The following DLG2 variants were observed in gnomAD, a reference collection of about 807,000 sequenced individuals.
DLG2 encodes discs large MAGUK scaffold protein 2.
A neutral mutation model predicts 132.5 loss-of-function variants in DLG2; 45 were observed. The observed-to-expected ratio is 0.34, with a 90% confidence interval of 0.27 to 0.44. The LOEUF is 0.44. Among genes scored for constraint, DLG2 ranks in the 20% least tolerant of loss-of-function variants. The pLI is 1.00. For missense variants in DLG2, 1,045 were observed against 1,196.9 expected (o/e 0.87, Z 1.87); for synonymous variants, 424 against 419.6 (o/e 1.01, Z -0.13).
At chr11:85,553,374 A>G (rs926602164) in intron 3 of DLG2, among the ~76,000 whole-genome samples, 3 of 151,628 alleles carry the variant, frequency 2.0e-5, no homozygotes, top group East Asian at 3.8e-4. Context: ...AGCTTACATC[A>G]TATGTAAATA....
chr11:83,784,129 T>A (rs1008909714), intron 18 of DLG2, among the ~76,000 whole-genome samples: 3 of 152,180 alleles, frequency 2.0e-5, no homozygotes, highest in African/African-American at 7.2e-5. Flanking sequence ...AGTATGCCAA[T>A]AAAATCATCT....
intron 18 of DLG2, among the ~76,000 whole-genome samples, chr11:83,699,701 C>A (rs902370470): frequency 6.7e-6 from 1 of 148,792 alleles, no homozygotes; most frequent in Non-Finnish European, 1.5e-5. Flanking sequence ...CAGAGCAAGA[C>A]TCCGTCTAAA....
intron 3 of DLG2, among the ~76,000 whole-genome samples, chr11:85,334,511 G>C (rs1424997900): frequency 6.6e-6 from 1 of 151,916 alleles, no homozygotes; most frequent in Non-Finnish European, 1.5e-5. Flanking sequence ...AGTTTCTCTA[G>C]GTATAGTGTT....
chr11:84,275,520 A>G (rs1447029322), intron 7 of DLG2, among the ~76,000 whole-genome samples: 1 of 152,124 alleles, frequency 6.6e-6, no homozygotes, highest in Non-Finnish European at 1.5e-5. Flanking sequence ...ATGCCCAGCT[A>G]ATTGTTTTGT....
rs2093739312 is a variant in DLG2 at position 85,499,277 on chromosome 11, C to T, written c.40+99380G>A. Among the ~76,000 whole-genome samples, 4 of 152,070 alleles carry T rather than the reference C, an allele frequency of 2.6e-5. No homozygotes were observed. In the South Asian group the frequency reaches 8.3e-4, roughly 32 times the overall value. On this transcript the variant is annotated intron_variant, in intron 3 of 27. Transcript: ENST00000376104. ...GATAAAGGGGATATCACCACTGATC[C>T]CACAGAAATACAAACTACCATCAGA...
intron 6 of DLG2, among the ~76,000 whole-genome samples, chr11:84,806,113 G>A (rs2075969040): frequency 6.6e-6 from 1 of 152,096 alleles, no homozygotes; most frequent in Non-Finnish European, 1.5e-5. Context: ...CAGTGAACTG[G>A]AAGATAAAGC....
intron 6 of DLG2, among the ~76,000 whole-genome samples, chr11:84,703,857 G>GATAGATATATATATATATAT (rs2059456123): frequency 9.7e-6 from 1 of 102,714 alleles, no homozygotes; most frequent in South Asian, 3.5e-4. Flanking sequence ...ATGTAGTGAA[G>GATAGATATATATATATATAT]ATATATATAT....
chr11:85,305,105 T>C (rs2079852611), intron 3 of DLG2, among the ~76,000 whole-genome samples: 1 of 152,318 alleles, frequency 6.6e-6, no homozygotes, highest in African/African-American at 2.4e-5. Context: ...GATTACAAAA[T>C]GAATATGGCA....
At chr11:85,540,242 C>T (rs1250309022) in intron 3 of DLG2, among the ~76,000 whole-genome samples, 1 of 152,160 alleles carries the variant, frequency 6.6e-6, no homozygotes, top group African/African-American at 2.4e-5. Context: ...GTTGCATTTT[C>T]CAAGACCACT....
intron 6 of DLG2, among the ~76,000 whole-genome samples, chr11:84,587,839 A>G (rs1371539675): frequency 6.6e-6 from 1 of 152,200 alleles, no homozygotes. Context: ...TAAAAAAATA[A>G]TCAATTGCAT....
At chr11:85,081,569 A>G (rs142989787) in intron 6 of DLG2, among the ~76,000 whole-genome samples, 1 of 152,300 alleles carries the variant, frequency 6.6e-6, no homozygotes, top group African/African-American at 2.4e-5. Context: ...TTCTCAAAGT[A>G]GACGCTTAAT....
chr11:84,190,732 G>A (rs1176275792), intron 8 of DLG2, among the ~76,000 whole-genome samples: 2 of 152,160 alleles, frequency 1.3e-5, no homozygotes, highest in Non-Finnish European at 2.9e-5. Context: ...ATGTTCTGGA[G>A]CTAAAAGGAA....
chr11:84,572,627 A>G (rs536469821), intron 6 of DLG2, among the ~76,000 whole-genome samples: 1 of 152,246 alleles, frequency 6.6e-6, no homozygotes, highest in Admixed American at 6.5e-5. Flanking sequence ...TAGGGGCCCT[A>G]AAAGATTCTG....
At chr11:84,764,661 G>C (rs1181912817) in intron 6 of DLG2, among the ~76,000 whole-genome samples, 1 of 152,002 alleles carries the variant, frequency 6.6e-6, no homozygotes, top group Non-Finnish European at 1.5e-5. Flanking sequence ...ACAAATAGAA[G>C]AGCATATATA....
At chr11:84,808,825 A>C (rs1183255906) in intron 6 of DLG2, among the ~76,000 whole-genome samples, 1 of 151,968 alleles carries the variant, frequency 6.6e-6, no homozygotes, top group Non-Finnish European at 1.5e-5. Flanking sequence ...AAATTCCCAA[A>C]CAAAAAAAGA....
intron 3 of DLG2, among the ~76,000 whole-genome samples, chr11:85,513,223 G>A (rs1416071899): frequency 6.6e-6 from 1 of 151,766 alleles, no homozygotes; most frequent in Non-Finnish European, 1.5e-5. Context: ...AGAAAGTGTT[G>A]AAAAACTACT....
intron 6 of DLG2, among the ~76,000 whole-genome samples, chr11:84,596,545 G>A (rs906297737): frequency 6.6e-6 from 1 of 151,906 alleles, no homozygotes; most frequent in South Asian, 2.1e-4. Context: ...ATTTCTAGAG[G>A]AAGAATGGAA....
At chr11:84,597,988 A>G (rs997791879) in intron 6 of DLG2, among the ~76,000 whole-genome samples, 2 of 152,216 alleles carry the variant, frequency 1.3e-5, no homozygotes, top group African/African-American at 2.4e-5. Flanking sequence ...TTCTTTTCAT[A>G]TTATTAAAAC....
At chr11:84,667,084 ATGTG>A (rs751044189) in intron 6 of DLG2, among the ~76,000 whole-genome samples, 6 of 152,284 alleles carry the variant, frequency 3.9e-5, no homozygotes, top group Middle Eastern at 3.4e-3. Flanking sequence ...AATATCCGTT[ATGTG>A]AGTGTTAGTT....
Sources: gnomAD v4.1 joint callset for allele counts (sites outside exome capture counted in the v4.1 genomes callset) on GRCh38, gnomAD v4.1.1 for gene constraint, MANE v1.5 for transcripts, NCBI Gene and HGNC (gene_info 2026-07-23, HGNC 2026-07-21) for gene names.